Variants in SHROOM3 observed in about 807,000 individuals in gnomAD.
The protein encoded by SHROOM3 is shroom family member 3, also known as protein Shroom3.
In SHROOM3, 47 loss-of-function variants were observed where a neutral mutation model predicts 138.6. That is an observed-to-expected ratio of 0.34 (90% CI 0.27 to 0.43). The LOEUF (loss-of-function observed/expected upper bound fraction) is 0.43, where lower values mean the gene tolerates loss of function less well. Among genes scored for constraint, SHROOM3 ranks in the 20% least tolerant of loss-of-function variants. The pLI is 1.00. For missense variants in SHROOM3, 2,491 were observed against 2,596.5 expected (o/e 0.96, Z 0.88); for synonymous variants, 1,062 against 1,063.3 (o/e 1.00, Z 0.02).
chr4:76,546,655 T>A (rs1160306973), intron 1 of SHROOM3, among the ~76,000 whole-genome samples: 1 of 152,234 alleles, frequency 6.6e-6, no homozygotes, highest in African/African-American at 2.4e-5. Context: ...TTGACGTCTT[T>A]TGTTATCCAC....
chr4:76,555,173 C>G (rs548596270), intron 1 of SHROOM3, among the ~76,000 whole-genome samples: 2 of 151,984 alleles, frequency 1.3e-5, no homozygotes, highest in South Asian at 4.1e-4. Context: ...CAAAACCATC[C>G]GCCCACACCC....
At chr4:76,557,226 TAC>T (rs35294663) in intron 2 of SHROOM3, among the ~76,000 whole-genome samples, 19,784 of 141,902 alleles carry the variant, frequency 0.14, 1,457 homozygotes, top group Non-Finnish European at 0.18. Context: ...TGTTTATGTA[TAC>T]ACACACACAC....
chr4:76,664,770 C>G lies in SHROOM3; in HGVS notation c.324-45386C>G, dbSNP rs147305637. On this transcript the variant is annotated intron_variant, in intron 2 of 10. Transcript: ENST00000296043. This position sits in a 1 kb window ranked among gnomAD's most constrained non-coding sequence, Gnocchi z 4.2. ...GTTATTGTGCAATGGAGCTTGATAA[C>G]TTTTTTATCCTGCAAAACTGAAACT... Among the ~76,000 whole-genome samples the G allele has an allele frequency of 3.0e-4, 46 of 152,242 alleles. No individual in the cohort carries two copies. Among genetic ancestry groups the G allele is most frequent in the Middle Eastern group, 3.4e-3 (1 of 294 alleles).
rs1265161603 is a variant in SHROOM3, at chr4:76,779,353, G to C, written c.*176G>C. 1.3e-6 allele frequency: 1 copy of C among 743,754 alleles called. No individual in the cohort carries two copies. The highest frequency in any genetic ancestry group is 1.8e-5 in the African/African-American group (1 of 56,490). 46.1% of individuals were successfully genotyped at this position (743,754 alleles called of 1,614,324 possible). On this transcript the variant is annotated 3_prime_UTR_variant, in exon 11 of 11. Coordinates refer to ENST00000296043, the MANE Select transcript of SHROOM3 (RefSeq NM_020859.4). ...TTTTTCCTTCTTGCCCTTCCTGATTGATCTTCTGAGAGCTCGAATGCTGCT... is the reference window on the plus strand; with the variant it reads ...TTTTTCCTTCTTGCCCTTCCTGATTCATCTTCTGAGAGCTCGAATGCTGCT...
chr4:76,632,989 TCA>T (rs1402615468), intron 2 of SHROOM3, among the ~76,000 whole-genome samples: 4 of 152,178 alleles, frequency 2.6e-5, no homozygotes, highest in Non-Finnish European at 4.4e-5. Flanking sequence ...CATTTTATCC[TCA>T]CAATTCCTCA....
intron 6 of SHROOM3, 139 bp downstream of exon 6, chr4:76,749,229 CT>C (rs11374158): frequency 2.9e-3 from 1,852 of 630,818 alleles, no homozygotes; most frequent in East Asian, 3.6e-3. Context: ...CCATGGATAA[CT>C]TTTTTTTTTA....
At chr4:76,743,797 C>T (rs956163203) in intron 5 of SHROOM3, among the ~76,000 whole-genome samples, 1 of 152,202 alleles carries the variant, frequency 6.6e-6, no homozygotes, top group African/African-American at 2.4e-5. Flanking sequence ...GTAGCCTTTT[C>T]CTTCCTTCAG....
chr4:76,692,803 T>C (rs1719595866), intron 2 of SHROOM3, among the ~76,000 whole-genome samples: 1 of 152,202 alleles, frequency 6.6e-6, no homozygotes, highest in Non-Finnish European at 1.5e-5. Flanking sequence ...TAGGCAAAAC[T>C]AATCTATGAC....
At chr4:76,486,812 G>A (rs1560521352) in intron 1 of SHROOM3, among the ~76,000 whole-genome samples, 1 of 152,078 alleles carries the variant, frequency 6.6e-6, no homozygotes, top group Non-Finnish European at 1.5e-5. Context: ...GAAGGACAAA[G>A]GTCTACTGTG....
At chr4:76,457,560 C>T (rs575452522) in intron 1 of SHROOM3, among the ~76,000 whole-genome samples, 2 of 151,042 alleles carry the variant, frequency 1.3e-5, no homozygotes, top group South Asian at 2.1e-4. Flanking sequence ...GGCACTATCT[C>T]GACTCACTGA....
At chr4:76,540,469 T>C (rs554121426) in intron 1 of SHROOM3, among the ~76,000 whole-genome samples, 7 of 152,304 alleles carry the variant, frequency 4.6e-5, no homozygotes, top group African/African-American at 1.7e-4. Context: ...AGGGGAAGCT[T>C]TGGAAAACTT....
intron 9 of SHROOM3, among the ~76,000 whole-genome samples, chr4:76,761,150 C>T (rs766912892): frequency 2.1e-4 from 32 of 152,020 alleles, no homozygotes; most frequent in Non-Finnish European, 4.0e-4. Context: ...GAGCATAGTA[C>T]CCAATAGGTA....
chr4:76,516,272 C>T (rs528755456), intron 1 of SHROOM3, among the ~76,000 whole-genome samples: 1 of 152,170 alleles, frequency 6.6e-6, no homozygotes, highest in African/African-American at 2.4e-5. Context: ...TGGTCAATTG[C>T]AATATCTTTG....
chr4:76,659,112 G>C (rs1736129419), intron 2 of SHROOM3, among the ~76,000 whole-genome samples: 1 of 151,476 alleles, frequency 6.6e-6, no homozygotes, highest in African/African-American at 2.4e-5. Flanking sequence ...AGCATGAAAA[G>C]CTTGGTTCTG....
intron 1 of SHROOM3, among the ~76,000 whole-genome samples, chr4:76,466,477 C>T (rs1731251371): frequency 6.6e-6 from 1 of 152,208 alleles, no homozygotes; most frequent in African/African-American, 2.4e-5. Context: ...AACCAAATGT[C>T]TTCTGCCTTG....
chr4:76,715,690 G>A (rs1438876603), intron 3 of SHROOM3, among the ~76,000 whole-genome samples: 1 of 152,192 alleles, frequency 6.6e-6, no homozygotes, highest in Admixed American at 6.5e-5. Flanking sequence ...AAATCAAGAT[G>A]AATGGATAAT....
At chr4:76,685,845 G>T (rs1200601859) in intron 2 of SHROOM3, among the ~76,000 whole-genome samples, 1 of 152,102 alleles carries the variant, frequency 6.6e-6, no homozygotes, top group East Asian at 1.9e-4. Context: ...AGGCATTGTG[G>T]TATGCACCTG....
intron 1 of SHROOM3, among the ~76,000 whole-genome samples, chr4:76,546,647 G>A: frequency 6.6e-6 from 1 of 152,174 alleles, no homozygotes; most frequent in East Asian, 1.9e-4. Flanking sequence ...AGAGATTCTT[G>A]ACGTCTTTTG....
intron 8 of SHROOM3, chr4:76,757,153 T>C (rs1270144496): frequency 5.0e-6 from 3 of 600,646 alleles, no homozygotes; most frequent in Non-Finnish European, 5.8e-6. Flanking sequence ...ATTATAATAA[T>C]TGCCATTAGT....
Sources: allele counts gnomAD v4.1 joint callset (sites outside exome capture counted in the v4.1 genomes callset), GRCh38; gene constraint gnomAD v4.1.1; non-coding constraint Gnocchi (gnomAD v3.1); transcripts MANE v1.5; gene names NCBI Gene and HGNC (gene_info 2026-07-23, HGNC 2026-07-21).